PRLR: variants seen among roughly 807,000 people sequenced by gnomAD.
PRLR encodes the protein prolactin receptor, also known as hPRL receptor.
In PRLR, 13 loss-of-function variants were observed where a neutral mutation model predicts 40.2. The observed-to-expected ratio is 0.32, with a 90% CI of 0.21 to 0.51. PRLR has a LOEUF of 0.51. PRLR is among the 20% of genes least tolerant of loss of function. The pLI is 0.97. For synonymous variants in PRLR, 269 were observed against 278.7 expected (o/e 0.97, Z 0.35); for missense variants, 656 against 747.3 (o/e 0.88, Z 1.42).
intron 2 of PRLR, among the ~76,000 whole-genome samples, chr5:35,113,507 A>C (rs1014551374): frequency 6.7e-6 from 1 of 149,384 alleles, no homozygotes; most frequent in Non-Finnish European, 1.5e-5. Context: ...CCACCTATCT[A>C]TCCACCCATC....
chr5:35,095,931 C>T (rs767224569), intron 2 of PRLR, among the ~76,000 whole-genome samples: 5 of 152,194 alleles, frequency 3.3e-5, no homozygotes, highest in Non-Finnish European at 7.3e-5. Context: ...TATTCCCCTG[C>T]CCCTCTCCTA....
At chr5:35,126,309 C>T (rs933130638) in intron 1 of PRLR, among the ~76,000 whole-genome samples, 4 of 152,178 alleles carry the variant, frequency 2.6e-5, no homozygotes, top group South Asian at 4.1e-4. Context: ...GATCTGGCTC[C>T]CCAGAGCTGG....
intron 1 of PRLR, among the ~76,000 whole-genome samples, chr5:35,182,664 T>C (rs572105628): frequency 6.6e-6 from 1 of 152,312 alleles, no homozygotes; most frequent in South Asian, 2.1e-4. Context: ...TTCATTTAGA[T>C]AATTGAGCAG....
At chr5:35,191,773 G>C (rs1452038741) in intron 1 of PRLR, among the ~76,000 whole-genome samples, 1 of 152,150 alleles carries the variant, frequency 6.6e-6, no homozygotes, top group Admixed American at 6.5e-5. Context: ...GAAAGGTTTG[G>C]ATACAGAGAT....
intron 2 of PRLR, among the ~76,000 whole-genome samples, chr5:35,106,909 T>A (rs1772295622): frequency 6.6e-6 from 1 of 152,128 alleles, no homozygotes; most frequent in African/African-American, 2.4e-5. Flanking sequence ...CCACCCCAAA[T>A]CAACAGAATA....
At chr5:35,068,157 T>C (rs1188647287) in intron 9 of PRLR, 59 bp downstream of exon 9, 1 of 1,437,804 alleles carries the variant, frequency 7.0e-7, no homozygotes, top group Non-Finnish European at 9.8e-7. Flanking sequence ...TGTGAGTGTG[T>C]AGAGTTAATT....
intron 2 of PRLR, among the ~76,000 whole-genome samples, chr5:35,095,906 A>G (rs1490707923): frequency 6.6e-6 from 1 of 152,150 alleles, no homozygotes; most frequent in African/African-American, 2.4e-5. Flanking sequence ...TAAAGTGTTC[A>G]CCTCTGATTC....
chr5:35,140,584 T>C lies in PRLR; in HGVS notation c.-105-22462A>G, dbSNP rs114788643. Reference sequence around the variant, plus strand: ...ACACTTACTCTGTGTGAATCTTTCTTGAGAGCTGTAAAGAACACATGCAAA... The same window carrying C: ...ACACTTACTCTGTGTGAATCTTTCTCGAGAGCTGTAAAGAACACATGCAAA... On this transcript the variant is annotated intron_variant, in intron 1 of 9. Transcript: ENST00000618457. Among the ~76,000 whole-genome samples the C allele has an allele frequency of 4.2e-3, 647 of 152,352 alleles. 11 individuals carry two copies. The highest frequency in any genetic ancestry group is 0.015 in the African/African-American group (627 of 41,578).
At chr5:35,052,591 G>A (rs527985096), downstream of PRLR, among the ~76,000 whole-genome samples, 3 of 152,220 alleles carry the variant, frequency 2.0e-5, no homozygotes, top group South Asian at 6.2e-4. Context: ...ATGGAAACTG[G>A]AACCCTCTTG....
chr5:35,219,698 C>T (rs1319539458), intron 1 of PRLR, among the ~76,000 whole-genome samples: 1 of 152,150 alleles, frequency 6.6e-6, no homozygotes, highest in Non-Finnish European at 1.5e-5. Context: ...CAAAAGCCAT[C>T]AGAATAGTCT....
At chr5:35,076,788 C>G (rs891024450) in intron 5 of PRLR, among the ~76,000 whole-genome samples, 2 of 152,114 alleles carry the variant, frequency 1.3e-5, no homozygotes, top group East Asian at 3.9e-4. Context: ...TTAAGGGCAG[C>G]CAGAGAGAAA....
intron 2 of PRLR, among the ~76,000 whole-genome samples, chr5:35,091,271 C>A (rs1216357045): frequency 6.6e-6 from 1 of 152,144 alleles, no homozygotes; most frequent in Non-Finnish European, 1.5e-5. Flanking sequence ...CTTTCTAAAT[C>A]ACCCACTGCA....
At chr5:35,212,583 G>A (rs77665054) in intron 1 of PRLR, among the ~76,000 whole-genome samples, 4,439 of 152,160 alleles carry the variant, frequency 0.029, 87 homozygotes, top group Middle Eastern at 0.071. Context: ...GAAGTCCCCT[G>A]GTATGAAATT....
At chr5:35,120,029 C>A (rs1297246041) in intron 1 of PRLR, among the ~76,000 whole-genome samples, 1 of 152,180 alleles carries the variant, frequency 6.6e-6, no homozygotes, top group Non-Finnish European at 1.5e-5. Context: ...TTGTCATCCT[C>A]TGCCCTGGCT....
chr5:35,083,881 C>T (rs113000019), intron 5 of PRLR, among the ~76,000 whole-genome samples: 7 of 141,116 alleles, frequency 5.0e-5, no homozygotes, highest in Admixed American at 2.7e-4. Flanking sequence ...CTCATATTAT[C>T]TTATGTTATA....
intron 2 of PRLR, among the ~76,000 whole-genome samples, chr5:35,095,624 A>G (rs1771483611): frequency 6.6e-6 from 1 of 152,226 alleles, no homozygotes; most frequent in Non-Finnish European, 1.5e-5. Context: ...TTATCTGCCC[A>G]TAGTCCAGGC....
At chr5:35,164,997 G>A (rs773088259) in intron 1 of PRLR, among the ~76,000 whole-genome samples, 2 of 152,196 alleles carry the variant, frequency 1.3e-5, no homozygotes, top group Non-Finnish European at 2.9e-5. Flanking sequence ...GGGAAATAAA[G>A]AGTCCCCTTA....
At chr5:35,153,629 C>A (rs191968179) in intron 1 of PRLR, among the ~76,000 whole-genome samples, 2 of 151,352 alleles carry the variant, frequency 1.3e-5, no homozygotes, top group East Asian at 1.9e-4. Flanking sequence ...CTAAGAAATT[C>A]TTTGATTTGC....
At chr5:35,070,398 G>T in intron 6 of PRLR, 133 bp from the exon 7 acceptor site, 1 of 948,488 alleles carries the variant, frequency 1.1e-6, no homozygotes. Flanking sequence ...CTACTCCACT[G>T]TCTTAGCCCT....
Sources: gnomAD v4.1 joint callset for allele counts (sites outside exome capture counted in the v4.1 genomes callset) on GRCh38, gnomAD v4.1.1 for gene constraint, MANE v1.5 for transcripts, NCBI Gene and HGNC (gene_info 2026-07-23, HGNC 2026-07-21) for gene names.